STK4: variants seen among roughly 807,000 people sequenced by gnomAD.
The protein encoded by STK4 is serine/threonine-protein kinase 4.
Under a neutral mutation model 64.9 loss-of-function variants are expected in STK4, and 30 were observed. The observed-to-expected ratio is 0.46, with a 90% CI of 0.35 to 0.63. The LOEUF (loss-of-function observed/expected upper bound fraction) is 0.63, where lower values mean the gene tolerates loss of function less well. Ranked by LOEUF, STK4 falls within the 20% of genes least tolerant of loss-of-function variation. The pLI, the probability that STK4 is intolerant of heterozygous loss-of-function variation, is 0.01. For synonymous variants in STK4, 177 were observed against 199.0 expected (o/e 0.89, Z 0.93); for missense variants, 466 against 598.5 (o/e 0.78, Z 2.31).
rs1010011863 is a variant in STK4, at chr20:45,024,957, T to G, written c.1148-16T>G. 6.5e-7 allele frequency: 1 copy of G among 1,540,614 alleles called. No individual in the cohort carries two copies. Among genetic ancestry groups the G allele is most frequent in the African/African-American group, 1.4e-5 (1 of 71,538 alleles). On this transcript the variant is annotated splice_polypyrimidine_tract_variant and intron_variant, in intron 9 of 10. Coordinates refer to ENST00000372806, the MANE Select transcript of STK4 (RefSeq NM_006282.5). ...TAGAATGTTTCTTTTCATTTTTCAT[T>G]TTTCTTTGTTTTCAGGAAGGGATGA...
chr20:45,013,167 C>T (rs1009829363), intron 9 of STK4, among the ~76,000 whole-genome samples: 1 of 151,780 alleles, frequency 6.6e-6, no homozygotes, highest in Non-Finnish European at 1.5e-5. Context: ...ACATTCTTGT[C>T]TTGTTGCTCA....
intron 2 of STK4, chr20:44,974,275 A>G (rs1353107451): frequency 6.6e-6 from 1 of 152,084 alleles, no homozygotes; most frequent in Non-Finnish European, 1.5e-5. Context: ...CCCTATGAAG[A>G]TATCACCAGG....
chr20:45,047,291 G>C (rs577919205), intron 10 of STK4, among the ~76,000 whole-genome samples: 1 of 152,278 alleles, frequency 6.6e-6, no homozygotes, highest in South Asian at 2.1e-4. Flanking sequence ...GAGATGCTAG[G>C]TGACCTGTCC....
intron 7 of STK4, 99 bp from the exon 8 acceptor site, chr20:45,000,293 A>C: frequency 1.4e-6 from 2 of 1,418,160 alleles, no homozygotes; most frequent in Non-Finnish European, 1.9e-6. Context: ...TCGTTGATTG[A>C]TTCAACACAT....
intron 9 of STK4, among the ~76,000 whole-genome samples, chr20:45,011,729 A>ATATATATATATATATATAT (rs60170856): frequency 2.7e-4 from 31 of 115,388 alleles, no homozygotes; most frequent in African/African-American, 5.5e-4. Context: ...ATATATATAT[A>ATATATATATATATATATAT]TTTTTTTTTT....
Position 45,041,138 on chromosome 20 carries a change from G to GT in STK4, c.1305+16014dup, listed in dbSNP as rs143005033. 5.5e-3 allele frequency among the ~76,000 whole-genome samples: 841 copies of GT among 152,174 alleles called. 4 individuals carry two copies. The highest frequency in any genetic ancestry group is 0.019 in the African/African-American group (772 of 41,544). On this transcript the variant is annotated intron_variant, in intron 10 of 10. Transcript: ENST00000372806. ...CCAATAGGTTTTTTTGTTTCATTTT[G>GT]TTTTTTGTTTGAGGTATTGCTTTTT...
At chr20:44,996,336 C>G (rs73298596) in intron 6 of STK4, among the ~76,000 whole-genome samples, 6,981 of 152,114 alleles carry the variant, frequency 0.046, 531 homozygotes, top group African/African-American at 0.16. Context: ...AATACACCCC[C>G]CCGCCAACCC....
chr20:45,010,223 C>G (rs371694625), intron 9 of STK4, among the ~76,000 whole-genome samples: 2 of 152,054 alleles, frequency 1.3e-5, no homozygotes, highest in African/African-American at 4.8e-5. Flanking sequence ...CATGCCACCA[C>G]ACCTGGCTAA....
At chr20:45,018,093 A>G (rs2068176406) in intron 9 of STK4, among the ~76,000 whole-genome samples, 1 of 152,222 alleles carries the variant, frequency 6.6e-6, no homozygotes, top group Non-Finnish European at 1.5e-5. Flanking sequence ...AACAAAACCC[A>G]AAACCACACA....
At chr20:45,014,182 T>G (rs1310570134) in intron 9 of STK4, among the ~76,000 whole-genome samples, 1 of 152,028 alleles carries the variant, frequency 6.6e-6, no homozygotes, top group African/African-American at 2.4e-5. Flanking sequence ...CTCAGCACTT[T>G]GGGAGGCCGA....
intron 10 of STK4, among the ~76,000 whole-genome samples, chr20:45,066,253 G>T (rs1979569381): frequency 6.6e-6 from 1 of 151,516 alleles, no homozygotes; most frequent in Admixed American, 6.6e-5. Flanking sequence ...ATACATCTGT[G>T]GTTTTGGACA....
intron 9 of STK4, among the ~76,000 whole-genome samples, chr20:45,018,620 G>A (rs6124676): frequency 0.53 from 80,380 of 151,918 alleles, 22,301 homozygotes; most frequent in African/African-American, 0.68. Flanking sequence ...CATACAATTT[G>A]TTCATTTAAA....
chr20:45,034,737 T>A (rs576758508), intron 10 of STK4, among the ~76,000 whole-genome samples: 1 of 151,856 alleles, frequency 6.6e-6, no homozygotes, highest in Non-Finnish European at 1.5e-5. Flanking sequence ...CATAGTGAGA[T>A]CCCCATCTCT....
chr20:44,993,141 T>C (rs934134155), intron 5 of STK4, among the ~76,000 whole-genome samples: 10 of 152,128 alleles, frequency 6.6e-5, no homozygotes, highest in African/African-American at 2.4e-4. Context: ...TGCTTTTTTT[T>C]TTCATAATCT....
rs779670569 is a variant in STK4 at position 45,001,218 on chromosome 20, A to G, written c.1012A>G (p.Met338Val). 3 of 1,614,028 alleles carry G rather than the reference A, an allele frequency of 1.9e-6. No homozygotes were observed. The highest frequency in any genetic ancestry group is 2.7e-5 in the African/African-American group (2 of 74,920). The change falls in exon 9 of 11, where the codon ATG becomes GTG. Residue 338 changes from methionine (M) to valine (V), a missense_variant. Physicochemically the swap from Met to Val is conservative, Grantham distance 21 (BLOSUM62 1). This residue lies in a region of STK4 where 276 missense variants were observed against 308.9 expected (regional missense o/e 0.89). Transcript: ENST00000372806. ...GATGGTTCGAGCAGTGGGTGATGAG[A>G]TGGGCACTGTCCGAGTAGCCAGCAC... ...GTMVRAVGDE[M>V]GTVRVASTMT...
At position 44,989,358 on chromosome 20, in the gene STK4, T is replaced by C. The variant is rs537709490; in HGVS notation, c.525+2062T>C. Among the ~76,000 whole-genome samples, 6 of 152,316 alleles carry C rather than the reference T, an allele frequency of 3.9e-5. No homozygotes were observed. The South Asian group carries it at 1.2e-3, about 32-fold the overall frequency. ...TCTTGATTTGCATTTTACTAATGACTAGTGATGTCGACTGTCATTTTTTCT... is the reference window on the plus strand; with the variant it reads ...TCTTGATTTGCATTTTACTAATGACCAGTGATGTCGACTGTCATTTTTTCT... On this transcript the variant is annotated intron_variant, in intron 5 of 10. Coordinates refer to ENST00000372806, the MANE Select transcript of STK4 (RefSeq NM_006282.5).
At chr20:44,989,597 G>C (rs555313586) in intron 5 of STK4, among the ~76,000 whole-genome samples, 1 of 152,022 alleles carries the variant, frequency 6.6e-6, no homozygotes, top group African/African-American at 2.4e-5. Context: ...AATTTTGGTC[G>C]TGTCCAGTTT....
intron 10 of STK4, among the ~76,000 whole-genome samples, chr20:45,067,628 C>G (rs1413593433): frequency 6.6e-6 from 1 of 152,180 alleles, no homozygotes; most frequent in Non-Finnish European, 1.5e-5. Context: ...TCTGCTGATT[C>G]AAGATGGGCT....
chr20:45,013,693 TTAAAAA>T (rs2068092712), intron 9 of STK4, among the ~76,000 whole-genome samples: 1 of 152,192 alleles, frequency 6.6e-6, no homozygotes, highest in Non-Finnish European at 1.5e-5. Flanking sequence ...TTTGTGTGTC[TTAAAAA>T]TAATGTATTT....
Sources: allele counts gnomAD v4.1 joint callset (sites outside exome capture counted in the v4.1 genomes callset), GRCh38; gene constraint gnomAD v4.1.1; regional missense constraint gnomAD v4.1.1; transcripts MANE v1.5; gene names NCBI Gene and HGNC (gene_info 2026-07-23, HGNC 2026-07-21).